HEG1: variants seen among roughly 807,000 people sequenced by gnomAD.
HEG1 encodes the protein heart development protein with EGF like domains 1.
HEG1 carries 56 observed loss-of-function variants against 125.6 expected under a neutral mutation model. That is an observed-to-expected ratio of 0.45 (90% confidence interval 0.36 to 0.56). HEG1 has a LOEUF of 0.56. Among genes scored for constraint, HEG1 ranks in the 20% least tolerant of loss-of-function variants. HEG1 has a pLI of 0.00. For missense variants in HEG1, 1,523 were observed against 1,670.0 expected (o/e 0.91, Z 1.53); for synonymous variants, 644 against 668.5 (o/e 0.96, Z 0.57).
chr3:125,001,818 T>C lies in HEG1; in HGVS notation c.3517+34A>G, dbSNP rs201306195. ...CATCTTAGGTCTGTGCCTAACTATA[T>C]GGGTAGGATCCTCCCAGAGGGCTGC... On this transcript the variant is annotated intron_variant, in intron 11 of 16. Transcript: ENST00000311127. 1.2e-5 allele frequency: 19 copies of C among 1,600,436 alleles called. No individual in the cohort carries two copies. The Middle Eastern group carries it at 5.5e-4, about 46-fold the overall frequency.
intron 11 of HEG1, among the ~76,000 whole-genome samples, 198 bp downstream of exon 11, chr3:125,001,654 T>C (rs1937000817): frequency 6.6e-6 from 1 of 152,118 alleles, no homozygotes. Flanking sequence ...GGACTCTGGG[T>C]GTGTGTGTGC....
chr3:124,987,952 C>CACAT, intron 14 of HEG1, among the ~76,000 whole-genome samples: 22 of 54,700 alleles, frequency 4.0e-4, no homozygotes, highest in South Asian at 9.7e-4. Context: ...CACACACACA[C>CACAT]ATATATATAT....
chr3:124,979,419 A>G (rs1053665366), intron 14 of HEG1, among the ~76,000 whole-genome samples: 16 of 152,250 alleles, frequency 1.1e-4, no homozygotes, highest in African/African-American at 3.9e-4. Context: ...CAATAGATAC[A>G]CATCAAATTT....
chr3:125,004,134 C>A (rs1023764360), intron 9 of HEG1, among the ~76,000 whole-genome samples: 2 of 152,128 alleles, frequency 1.3e-5, no homozygotes, highest in African/African-American at 2.4e-5. Context: ...TACAGGAGTG[C>A]GCCATCTGAC....
chr3:125,005,158 G>A (rs1937054154), intron 9 of HEG1, 107 bp downstream of exon 9: 2 of 669,384 alleles, frequency 3.0e-6, no homozygotes, highest in Non-Finnish European at 5.2e-6. Context: ...TATAACAAAA[G>A]TGAAGAGCCC....
Position 125,013,988 on chromosome 3 carries a change from C to T in HEG1, c.1591G>A (p.Ala531Thr), listed in dbSNP as rs371922838. The T allele has an allele frequency of 2.3e-5, 36 of 1,592,204 alleles. No individual in the cohort carries two copies. Among genetic ancestry groups the T allele is most frequent in the Admixed American group, 1.8e-4 (10 of 56,364 alleles). ...SSAPRGERSIAGISYGQVRGT... is the reference protein window; with the variant it reads ...SSAPRGERSITGISYGQVRGT... ...CGCACTTGACCGTAGCTAATCCCAG[C>T]GACTGTAAACGGAAAAGCCAAAGTT... The change falls in exon 6 of 17, where the codon GCT becomes ACT. Residue 531 changes from alanine to threonine, a missense_variant and splice_region_variant. By Grantham distance (58) the Ala-to-Thr change is moderately conservative (BLOSUM62 0). Transcript: ENST00000311127.
At chr3:124,972,162 A>G (rs1467732255) in intron 16 of HEG1, 1 of 152,188 alleles carries the variant, frequency 6.6e-6, no homozygotes, top group African/African-American at 2.4e-5. Flanking sequence ...TATTTAAGGT[A>G]ACTCTTTAAT....
At chr3:125,023,650 C>A (rs1937370470) in intron 3 of HEG1, among the ~76,000 whole-genome samples, 1 of 124,324 alleles carries the variant, frequency 8.0e-6, no homozygotes, top group South Asian at 2.9e-4. Context: ...TAAATGAGCA[C>A]CTGTTAAATA....
intron 12 of HEG1, 93 bp downstream of exon 12, chr3:124,997,596 T>TA: frequency 1.5e-6 from 2 of 1,307,274 alleles, no homozygotes; most frequent in Non-Finnish European, 1.0e-6. Context: ...TGGTCACGCC[T>TA]AAGCAAAGAC....
chr3:125,048,172 G>C (rs912760146), intron 1 of HEG1, among the ~76,000 whole-genome samples: 1 of 152,128 alleles, frequency 6.6e-6, no homozygotes, highest in Non-Finnish European at 1.5e-5. Flanking sequence ...ATGAAAGCTA[G>C]AATGAAGTTC....
intron 8 of HEG1, 35 bp from the exon 9 acceptor site, chr3:125,005,403 A>G: frequency 8.3e-7 from 1 of 1,208,696 alleles, no homozygotes; most frequent in South Asian, 1.3e-5. Context: ...AGATTACACA[A>G]CAGAAGAACC....
At chr3:125,006,808 G>GT (rs1937077023) in intron 8 of HEG1, among the ~76,000 whole-genome samples, 1 of 152,210 alleles carries the variant, frequency 6.6e-6, no homozygotes, top group South Asian at 2.1e-4. Context: ...TGTGCTACCT[G>GT]TGGAACCCTC....
chr3:125,013,963 C>T lies in HEG1; in HGVS notation c.1616G>A (p.Arg539His), dbSNP rs747607775. 20 of 1,610,694 alleles carry T rather than the reference C, an allele frequency of 1.2e-5. No homozygotes were observed. Among genetic ancestry groups the T allele is most frequent in the East Asian group, 4.5e-5 (2 of 44,856 alleles). The change falls in exon 6 of 17, where the codon CGT becomes CAT. Residue 539 changes from arginine (R) to histidine (H), a missense_variant. Physicochemically the swap from Arg to His is conservative, Grantham distance 29 (BLOSUM62 0). Transcript: ENST00000311127. ...SIAGISYGQV[R>H]GTAIEQRTSS... ...AGTCCTTTGTTCAATAGCTGTGCCACGCACTTGACCGTAGCTAATCCCAGC... is the reference window on the plus strand; with the variant it reads ...AGTCCTTTGTTCAATAGCTGTGCCATGCACTTGACCGTAGCTAATCCCAGC...
intron 12 of HEG1, among the ~76,000 whole-genome samples, chr3:124,997,206 G>A (rs1361535973): frequency 2.0e-5 from 3 of 152,088 alleles, no homozygotes; most frequent in Admixed American, 2.0e-4. Context: ...CATTTCTCAG[G>A]AGAGGAAACC....
chr3:125,024,311 C>T (rs1269743595), intron 3 of HEG1, among the ~76,000 whole-genome samples: 1 of 152,196 alleles, frequency 6.6e-6, no homozygotes, highest in Non-Finnish European at 1.5e-5. Flanking sequence ...CTTACTTTAT[C>T]TGAAAACAAT....
intron 1 of HEG1, among the ~76,000 whole-genome samples, chr3:125,033,899 C>G (rs115338640): frequency 0.014 from 2,069 of 152,280 alleles, 43 homozygotes; most frequent in African/African-American, 0.047. Context: ...GTTGCATGCT[C>G]CGTATGAGAA....
chr3:125,038,229 T>C (rs1400821474), intron 1 of HEG1, among the ~76,000 whole-genome samples: 1 of 152,068 alleles, frequency 6.6e-6, no homozygotes, highest in African/African-American at 2.4e-5. Flanking sequence ...GCTAGACAAA[T>C]GGCTGCAGGA....
At chr3:125,007,234 C>T (rs918475554) in intron 8 of HEG1, among the ~76,000 whole-genome samples, 12 of 151,356 alleles carry the variant, frequency 7.9e-5, no homozygotes, top group African/African-American at 2.7e-4. Context: ...ATTCACATCG[C>T]AAATGTCAGG....
rs968529229 is a variant in HEG1, at chr3:124,966,706, A to T, written c.*3946T>A. ...TGTAGTCTCAAAATTTGTGTATTTT[A>T]GAACTATGGGTCAAAACCCTGTGTG... On this transcript the variant is annotated 3_prime_UTR_variant, in exon 17 of 17. Transcript: ENST00000311127. 7 of 152,252 alleles carry T rather than the reference A, an allele frequency of 4.6e-5. No homozygotes were observed. Among genetic ancestry groups the T allele is most frequent in the Admixed American group, 1.3e-4 (2 of 15,284 alleles). The allele number at this position is 152,252 out of a possible 1,614,324, so 9.4% of individuals were successfully genotyped here. A position where few individuals can be genotyped will look rare whatever the true frequency, so the allele number is the denominator to read the frequency against.
Sources: gnomAD v4.1 joint callset for allele counts (sites outside exome capture counted in the v4.1 genomes callset) on GRCh38, gnomAD v4.1.1 for gene constraint, MANE v1.5 for transcripts, NCBI Gene and HGNC (gene_info 2026-07-23, HGNC 2026-07-21) for gene names.